The following C12orf50 variants were observed in gnomAD, a reference collection of about 807,000 sequenced individuals.
C12orf50 encodes the protein zinc finger CCCH-type containing 11D.
In C12orf50, 35 loss-of-function variants were observed where a neutral mutation model predicts 61.6. That is an observed-to-expected ratio of 0.57 (90% confidence interval 0.43 to 0.75). The LOEUF is 0.75. Among genes scored for constraint, C12orf50 ranks in the 30% least tolerant of loss-of-function variants. The pLI is 0.00. For synonymous variants in C12orf50, 178 were observed against 161.5 expected, an observed-to-expected ratio of 1.10 and a Z score of -0.77; for missense variants, 475 against 488.5, an observed-to-expected ratio of 0.97 and a Z score of 0.26.
intron 9 of C12orf50, 78 bp downstream of exon 9, chr12:87,987,772 C>G (rs1432667264): frequency 2.1e-6 from 2 of 942,000 alleles, no homozygotes; most frequent in Non-Finnish European, 3.3e-6. Context: ...TTTTAAAATT[C>G]TATTTTAAAT....
rs1209727666 is a variant in C12orf50 at position 87,996,610 on chromosome 12, A to G, written c.326T>C (p.Ile109Thr). ...SSLWTKTPEE[I>T]EEKRAIKEMC... is the part of the protein sequence containing the mutation. ...CTCCTTTATTGCTCTTTTTTCTTCA[A>G]TTTCTTCAGGGGTCTTTGTCCATAA... is the stretch of plus-strand genomic sequence containing the variant. The change falls in exon 5 of 13, where the codon ATT becomes ACT. Residue 109 changes from isoleucine to threonine, a missense_variant. Coordinates refer to ENST00000298699, the MANE Select transcript of C12orf50 (RefSeq NM_152589.3). The G allele has an allele frequency of 1.9e-6, 3 of 1,609,978 alleles. No homozygotes were observed. Among genetic ancestry groups the G allele is most frequent in the African/African-American group, 1.3e-5 (1 of 74,782 alleles).
At chr12:87,987,050 G>A (rs1470217540) in intron 9 of C12orf50, among the ~76,000 whole-genome samples, 1 of 151,926 alleles carries the variant, frequency 6.6e-6, no homozygotes, top group African/African-American at 2.4e-5. Context: ...TTTTGTAGAG[G>A]GGGCATTCTG....
intron 3 of C12orf50, among the ~76,000 whole-genome samples, chr12:88,001,803 A>T (rs2031667367): frequency 6.6e-6 from 1 of 150,632 alleles, no homozygotes. Flanking sequence ...ATTCCCTTTT[A>T]ATTCTTTTTA....
At chr12:87,999,086 C>T (rs2031544718) in intron 3 of C12orf50, among the ~76,000 whole-genome samples, 1 of 152,136 alleles carries the variant, frequency 6.6e-6, no homozygotes, top group Admixed American at 6.5e-5. Flanking sequence ...AGTAGCCAGC[C>T]CCCTGGCACA....
intron 3 of C12orf50, among the ~76,000 whole-genome samples, chr12:88,000,994 C>T (rs11104713): frequency 0.17 from 25,786 of 151,628 alleles, 3,701 homozygotes; most frequent in African/African-American, 0.39. Context: ...CTTTCCAATA[C>T]AGAAGCCTTT....
chr12:88,008,203 C>A (rs2031962432), intron 3 of C12orf50, among the ~76,000 whole-genome samples: 1 of 152,042 alleles, frequency 6.6e-6, no homozygotes, highest in Non-Finnish European at 1.5e-5. Context: ...TTTCCTGATC[C>A]TCTCCCTCCT....
chr12:88,016,872 A>AC (rs2032330082), intron 3 of C12orf50, among the ~76,000 whole-genome samples: 1 of 152,250 alleles, frequency 6.6e-6, no homozygotes, highest in African/African-American at 2.4e-5. Context: ...AGAAAGTAGA[A>AC]CAAGGCAAGG....
Position 88,026,949 on chromosome 12 carries a change from AC to A in C12orf50, c.12+1del. The A allele has an allele frequency of 6.2e-7, 1 of 1,609,482 alleles. No individual in the cohort carries two copies. The highest frequency in any genetic ancestry group is 1.1e-5 in the South Asian group (1 of 89,628). Reference sequence around the variant, plus strand: ...AAAAATGATGACGCCAAGTAATTCTACCTGCATTTCCATGTGTCTAAATCTG... The same window carrying A: ...AAAAATGATGACGCCAAGTAATTCTACTGCATTTCCATGTGTCTAAATCTG... On this transcript the variant is annotated splice_donor_variant, in intron 2 of 12. Coordinates refer to ENST00000298699, the MANE Select transcript of C12orf50 (RefSeq NM_152589.3). LOFTEE classifies it high-confidence loss of function.
chr12:88,008,867 A>C (rs2031991418), intron 3 of C12orf50, among the ~76,000 whole-genome samples: 1 of 152,142 alleles, frequency 6.6e-6, no homozygotes, highest in Non-Finnish European at 1.5e-5. Context: ...CCTAAACATA[A>C]AGTTTAATTT....
chr12:88,027,673 T>C (rs903245251), intron 1 of C12orf50: 7 of 152,210 alleles, frequency 4.6e-5, no homozygotes, highest in African/African-American at 1.7e-4. Flanking sequence ...CTCACTGACT[T>C]GTTAATATGC....
intron 6 of C12orf50, among the ~76,000 whole-genome samples, chr12:87,996,016 GTTC>G (rs1222496887): frequency 6.6e-6 from 1 of 152,082 alleles, no homozygotes; most frequent in South Asian, 2.1e-4. Flanking sequence ...TCTCTCTTTT[GTTC>G]TTCTTGGGCT....
intron 3 of C12orf50, among the ~76,000 whole-genome samples, chr12:88,006,775 C>A (rs79140432): frequency 0.042 from 6,337 of 152,210 alleles, 424 homozygotes; most frequent in African/African-American, 0.14. Flanking sequence ...TTTCTCCCCC[C>A]AGAAAGGTAC....
chr12:88,028,980 T>C (rs1270257440), intron 1 of C12orf50: 1 of 625,456 alleles, frequency 1.6e-6, no homozygotes, highest in African/African-American at 2.0e-5. Flanking sequence ...TAAATTTTTG[T>C]TCAGCAATAC....
intron 2 of C12orf50, 69 bp from the exon 3 acceptor site, chr12:88,026,677 C>T (rs1394627698): frequency 4.5e-6 from 7 of 1,543,640 alleles, no homozygotes; most frequent in Non-Finnish European, 6.2e-6. Flanking sequence ...CAATGTGCTA[C>T]AATACAGCAC....
intron 6 of C12orf50, among the ~76,000 whole-genome samples, chr12:87,995,765 T>C (rs2031357547): frequency 6.6e-6 from 1 of 152,190 alleles, no homozygotes; most frequent in African/African-American, 2.4e-5. Flanking sequence ...CGGGCTCTTC[T>C]CCGTCTGATG....
intron 3 of C12orf50, among the ~76,000 whole-genome samples, chr12:88,022,032 A>G (rs979968633): frequency 2.0e-5 from 3 of 152,002 alleles, no homozygotes; most frequent in Non-Finnish European, 2.9e-5. Context: ...TGGCAGAAAG[A>G]AAACCAAAAA....
intron 3 of C12orf50, among the ~76,000 whole-genome samples, chr12:88,023,538 C>T (rs573377483): frequency 3.3e-5 from 5 of 150,684 alleles, no homozygotes; most frequent in African/African-American, 7.3e-5. Context: ...CATGGTGGCA[C>T]GTGCCTGTGG....
At chr12:88,005,522 T>C (rs1177950708) in intron 3 of C12orf50, among the ~76,000 whole-genome samples, 2 of 152,256 alleles carry the variant, frequency 1.3e-5, no homozygotes, top group African/African-American at 4.8e-5. Flanking sequence ...GGGCATAAAT[T>C]GCTCCACAGT....
chr12:87,987,811 T>C (rs749502995), intron 9 of C12orf50, 39 bp downstream of exon 9: 2 of 1,308,776 alleles, frequency 1.5e-6, no homozygotes, highest in Non-Finnish European at 2.2e-6. Context: ...GTAAGACAAA[T>C]ATATCTGAGG....
Sources: gnomAD v4.1 joint callset for allele counts (sites outside exome capture counted in the v4.1 genomes callset) on GRCh38, gnomAD v4.1.1 for gene constraint, MANE v1.5 for transcripts, NCBI Gene and HGNC (gene_info 2026-07-23, HGNC 2026-07-21) for gene names.